Variants in AGBL1 observed in about 807,000 individuals in gnomAD.
The protein encoded by AGBL1 is AGBL carboxypeptidase 1.
In AGBL1, 130 loss-of-function variants were observed where a neutral mutation model predicts 118.9. The observed-to-expected ratio is 1.09, with a 90% confidence interval of 0.95 to 1.26. The LOEUF (loss-of-function observed/expected upper bound fraction) is 1.26, where lower values mean the gene tolerates loss of function less well. AGBL1 is among the 50% of genes most tolerant of loss of function. AGBL1 has a pLI of 0.00. For missense variants in AGBL1, 1,584 were observed against 1,298.1 expected (o/e 1.22, Z -3.38); for synonymous variants, 555 against 478.9 (o/e 1.16, Z -2.08).
chr15:86,085,171 A>T (rs1357093283), intron 1 of AGBL1, among the ~76,000 whole-genome samples: 31 of 152,232 alleles, frequency 2.0e-4, no homozygotes, highest in Non-Finnish European at 2.4e-4. Context: ...AGAAAATTTT[A>T]TGGAAGTTGG....
intron 24 of AGBL1, among the ~76,000 whole-genome samples, chr15:87,019,037 A>G (rs1452375126): frequency 1.3e-5 from 2 of 152,176 alleles, no homozygotes; most frequent in Non-Finnish European, 2.9e-5. Flanking sequence ...AGGGCATTAC[A>G]TAATGGTAAA....
chr15:86,468,444 G>A (rs540060561), intron 18 of AGBL1, among the ~76,000 whole-genome samples: 2 of 152,252 alleles, frequency 1.3e-5, no homozygotes, highest in African/African-American at 4.8e-5. Context: ...TGCATTCTGG[G>A]CACTTGGCTC....
intron 24 of AGBL1, among the ~76,000 whole-genome samples, chr15:86,993,146 T>C: frequency 6.6e-6 from 1 of 152,182 alleles, no homozygotes; most frequent in East Asian, 1.9e-4. Context: ...AACTGTAATA[T>C]AAAAGGAAAG....
At chr15:86,469,465 C>T (rs1017703009) in intron 18 of AGBL1, among the ~76,000 whole-genome samples, 2 of 152,100 alleles carry the variant, frequency 1.3e-5, no homozygotes, top group African/African-American at 2.4e-5. Flanking sequence ...GTCACATTTT[C>T]TTTATCCATT....
At chr15:86,996,323 C>A (rs938445533) in intron 24 of AGBL1, among the ~76,000 whole-genome samples, 3 of 152,158 alleles carry the variant, frequency 2.0e-5, no homozygotes, top group Non-Finnish European at 2.9e-5. Flanking sequence ...TTTCCAGATA[C>A]TAAGCCCCCC....
chr15:86,507,661 A>G (rs1040051547), intron 18 of AGBL1, among the ~76,000 whole-genome samples: 1 of 152,080 alleles, frequency 6.6e-6, no homozygotes, highest in African/African-American at 2.4e-5. Context: ...TGACATTTGA[A>G]CAGAAACTTG....
At chr15:86,971,008 A>T (rs982871806) in intron 23 of AGBL1, among the ~76,000 whole-genome samples, 3 of 151,784 alleles carry the variant, frequency 2.0e-5, no homozygotes, top group African/African-American at 7.3e-5. Context: ...TGTGTAGATG[A>T]TATGCAAATA....
chr15:86,733,661 A>G (rs1165281964), intron 22 of AGBL1, among the ~76,000 whole-genome samples: 2 of 152,204 alleles, frequency 1.3e-5, no homozygotes, highest in East Asian at 1.9e-4. Context: ...TGTAGAAGTC[A>G]TGGTACTAAT....
At chr15:87,013,041 T>C (rs1167388444) in intron 24 of AGBL1, among the ~76,000 whole-genome samples, 1 of 152,218 alleles carries the variant, frequency 6.6e-6, no homozygotes, top group Non-Finnish European at 1.5e-5. Context: ...CACTTCATAA[T>C]ACTGTTAAGT....
intron 23 of AGBL1, among the ~76,000 whole-genome samples, chr15:86,944,809 A>C (rs1205268351): frequency 6.6e-6 from 1 of 152,174 alleles, no homozygotes; most frequent in African/African-American, 2.4e-5. Context: ...AATTTTCTTA[A>C]GGGCAATAAG....
chr15:86,295,183 C>A, intron 16 of AGBL1, 72 bp from the exon 17 acceptor site: 1 of 1,504,790 alleles, frequency 6.6e-7, no homozygotes, highest in Non-Finnish European at 9.1e-7. Context: ...ATATGTAAGC[C>A]GTTGTTGTTT....
chr15:86,433,486 A>G lies in AGBL1; in HGVS notation c.2555+35940A>G, dbSNP rs142702174. On this transcript the variant is annotated intron_variant, in intron 18 of 22. Transcript: ENST00000614907. ...CTGAATGAAACATTGAATGAAATATATCTGTCTAAGAAAACCAGTTGCTCC... is the reference window on the plus strand; with the variant it reads ...CTGAATGAAACATTGAATGAAATATGTCTGTCTAAGAAAACCAGTTGCTCC... Among the ~76,000 whole-genome samples, 37 of 152,110 alleles carry G rather than the reference A, an allele frequency of 2.4e-4. No homozygotes were observed. In the East Asian group the frequency reaches 6.4e-3, roughly 26 times the overall value.
At chr15:86,269,609 T>G (rs1311941607) in intron 13 of AGBL1, among the ~76,000 whole-genome samples, 2 of 152,216 alleles carry the variant, frequency 1.3e-5, no homozygotes, top group Non-Finnish European at 2.9e-5. Flanking sequence ...TGTATTATTG[T>G]ATCAAAATAT....
intron 1 of AGBL1, among the ~76,000 whole-genome samples, chr15:86,103,089 T>C (rs916375768): frequency 3.3e-5 from 5 of 152,176 alleles, no homozygotes; most frequent in Non-Finnish European, 7.3e-5. Flanking sequence ...TAGCTGTCTA[T>C]TGTTGAAGTA....
chr15:86,525,684 C>T (rs977889217), intron 19 of AGBL1, among the ~76,000 whole-genome samples: 1 of 152,092 alleles, frequency 6.6e-6, no homozygotes, highest in Non-Finnish European at 1.5e-5. Flanking sequence ...AACCTGGATC[C>T]CTGTCTCTCA....
chr15:86,527,039 A>G (rs763050044), intron 19 of AGBL1, among the ~76,000 whole-genome samples: 34 of 152,174 alleles, frequency 2.2e-4, no homozygotes, highest in Non-Finnish European at 4.1e-4. Flanking sequence ...CTGAAAATGT[A>G]CAATCTTTTC....
At chr15:86,968,734 T>C (rs982647175) in intron 23 of AGBL1, among the ~76,000 whole-genome samples, 26 of 151,910 alleles carry the variant, frequency 1.7e-4, no homozygotes, top group African/African-American at 6.3e-4. Context: ...CAAAATGGCT[T>C]AGACTAGGTA....
At chr15:86,355,149 G>A (rs566397242) in intron 17 of AGBL1, among the ~76,000 whole-genome samples, 2 of 152,290 alleles carry the variant, frequency 1.3e-5, no homozygotes, top group African/African-American at 4.8e-5. Context: ...GTACAGACCT[G>A]TGAGATACAT....
intron 23 of AGBL1, among the ~76,000 whole-genome samples, chr15:86,926,740 T>C (rs956184601): frequency 1.3e-5 from 2 of 152,196 alleles, no homozygotes; most frequent in African/African-American, 2.4e-5. Flanking sequence ...GCCAAGTCAT[T>C]CAAGCCAGAG....
Sources: gnomAD v4.1 joint callset for allele counts (sites outside exome capture counted in the v4.1 genomes callset) on GRCh38, gnomAD v4.1.1 for gene constraint, MANE v1.5 for transcripts, NCBI Gene and HGNC (gene_info 2026-07-23, HGNC 2026-07-21) for gene names.